PCDH11X: variants seen among roughly 807,000 people sequenced by gnomAD.
The protein encoded by PCDH11X is protocadherin-11 X-linked.
In PCDH11X, 18 loss-of-function variants were observed where a neutral mutation model predicts 53.3. The observed-to-expected ratio is 0.34, with a 90% CI of 0.23 to 0.50. The LOEUF is 0.50. Among genes scored for constraint, PCDH11X ranks in the 20% least tolerant of loss-of-function variants. The pLI, the probability that PCDH11X is intolerant of heterozygous loss-of-function variation, is 0.98. For missense variants in PCDH11X, 570 were observed against 1,032.4 expected, an observed-to-expected ratio of 0.55 and a Z score of 6.14; for synonymous variants, 279 against 393.3, an observed-to-expected ratio of 0.71 and a Z score of 3.44.
At chrX:91,814,238 TC>T (rs1198542931) in intron 4 of PCDH11X, among the ~76,000 whole-genome samples, 2 of 111,237 alleles carry the variant, frequency 1.8e-5, no homozygotes, top group Non-Finnish European at 3.8e-5. Context: ...GTTAACATGT[TC>T]CCTGTTTTAT....
At chrX:92,530,992 A>G (rs2148726106) in intron 10 of PCDH11X, among the ~76,000 whole-genome samples, 1 of 109,599 alleles carries the variant, frequency 9.1e-6, no homozygotes, top group Admixed American at 9.8e-5. Context: ...TACAATTTTT[A>G]TATTGCGAGA....
chrX:92,437,466 A>C (rs1356724753), intron 9 of PCDH11X, among the ~76,000 whole-genome samples: 1 of 111,739 alleles, frequency 8.9e-6, no homozygotes, highest in Non-Finnish European at 1.9e-5. Flanking sequence ...ACTTAAATAC[A>C]TAATTGACCT....
In PCDH11X at chrX:92,232,041, A is replaced by G. The variant is rs192877166; in HGVS notation, c.3114+30586A>G. Among the ~76,000 whole-genome samples, 375 of 112,031 alleles carry G rather than the reference A, an allele frequency of 3.3e-3. 2 individuals carry two copies. Among genetic ancestry groups the G allele is most frequent in the Admixed American group, 7.0e-3 (74 of 10,519 alleles). ...GGGCCCATATACTGCTCCAAATGTTATATCAGTTTTGTGACGAAAGAGAGA... is the reference window on the plus strand; with the variant it reads ...GGGCCCATATACTGCTCCAAATGTTGTATCAGTTTTGTGACGAAAGAGAGA... On this transcript the variant is annotated intron_variant, in intron 7 of 10. Coordinates refer to ENST00000682573, the MANE Select transcript of PCDH11X (RefSeq NM_032968.5).
intron 10 of PCDH11X, among the ~76,000 whole-genome samples, chrX:92,546,532 C>A (rs1290112599): frequency 1.8e-5 from 2 of 108,943 alleles, no homozygotes; most frequent in African/African-American, 3.5e-5. Context: ...AAATTGAAAT[C>A]TCATATGTTA....
chrX:91,819,565 A>G (rs1354300635), intron 4 of PCDH11X, among the ~76,000 whole-genome samples: 1 of 109,872 alleles, frequency 9.1e-6, no homozygotes, highest in Non-Finnish European at 1.9e-5. Context: ...TGTTGTAGTC[A>G]TATATTCTTG....
In PCDH11X at chrX:92,622,754, C is replaced by A. The variant is rs1388309167; in HGVS notation, c.*3814C>A. 1 of 109,419 alleles carries A rather than the reference C, an allele frequency of 9.1e-6. No individual in the cohort carries two copies. Among genetic ancestry groups the A allele is most frequent in the East Asian group, 2.9e-4 (1 of 3,484 alleles). 9.0% of individuals were successfully genotyped at this position (109,419 alleles called of 1,213,427 possible). A position where few individuals can be genotyped will look rare whatever the true frequency, so the allele number is the denominator to read the frequency against. On this transcript the variant is annotated 3_prime_UTR_variant, in exon 11 of 11. Coordinates refer to ENST00000682573, the MANE Select transcript of PCDH11X (RefSeq NM_032968.5). ...TTTTATGCAGAGGCCTTAAAATATT[C>A]TTTCACAGTAGCTTTCTTACACTAA...
chrX:92,379,395 C>T (rs1186126008), intron 8 of PCDH11X, among the ~76,000 whole-genome samples: 2 of 112,946 alleles, frequency 1.8e-5, no homozygotes, highest in East Asian at 5.6e-4. Context: ...GCCTCAGCCC[C>T]CTCCAGACTT....
intron 10 of PCDH11X, among the ~76,000 whole-genome samples, chrX:92,577,164 C>A (rs942709687): frequency 4.1e-4 from 45 of 110,195 alleles, no homozygotes; most frequent in Admixed American, 2.9e-3. Context: ...GCTGTAAATC[C>A]ATCTGCTCCT....
chrX:92,194,687 G>A (rs199793019), intron 6 of PCDH11X, among the ~76,000 whole-genome samples: 1 of 104,256 alleles, frequency 9.6e-6, no homozygotes, highest in Non-Finnish European at 1.9e-5. Flanking sequence ...TTTTTTTCCA[G>A]TAATGTCTGG....
intron 9 of PCDH11X, among the ~76,000 whole-genome samples, chrX:92,421,674 G>A (rs1394263353): frequency 9.0e-6 from 1 of 111,695 alleles, no homozygotes; most frequent in East Asian, 2.8e-4. Context: ...TAAGTTATTT[G>A]AGAAGTCCCC....
chrX:92,525,498 G>A (rs1165767927), intron 10 of PCDH11X, among the ~76,000 whole-genome samples: 3 of 108,763 alleles, frequency 2.8e-5, no homozygotes, highest in Non-Finnish European at 5.7e-5. Context: ...AGGAGTGGTG[G>A]TGCATGCCTG....
chrX:91,803,871 A>G (rs1346329133), intron 1 of PCDH11X, among the ~76,000 whole-genome samples: 4 of 111,354 alleles, frequency 3.6e-5, no homozygotes, highest in African/African-American at 1.3e-4. Flanking sequence ...TTTCCTTTAT[A>G]TATATTTTTA....
At chrX:92,328,515 G>A (rs1198325775) in intron 8 of PCDH11X, among the ~76,000 whole-genome samples, 3 of 110,419 alleles carry the variant, frequency 2.7e-5, no homozygotes, top group African/African-American at 9.8e-5. Flanking sequence ...CCAAAAGCTA[G>A]TATTTTGAGA....
intron 6 of PCDH11X, among the ~76,000 whole-genome samples, chrX:91,999,753 C>G (rs1256539617): frequency 1.8e-5 from 2 of 109,091 alleles, no homozygotes; most frequent in Non-Finnish European, 3.8e-5. Flanking sequence ...AATAACTAAT[C>G]TCATTGCTGG....
intron 6 of PCDH11X, among the ~76,000 whole-genome samples, chrX:92,159,877 T>A (rs2065607609): frequency 1.2e-5 from 1 of 80,592 alleles, no homozygotes; most frequent in South Asian, 6.6e-4. Context: ...CTGGCTCAGG[T>A]TTACTGGGCC....
chrX:92,433,054 G>C (rs1382643057), intron 9 of PCDH11X, among the ~76,000 whole-genome samples: 2 of 110,154 alleles, frequency 1.8e-5, no homozygotes, highest in Non-Finnish European at 3.8e-5. Context: ...GACAATAAAT[G>C]AACTACCTTA....
At chrX:91,817,426 C>A (rs1936488868) in intron 4 of PCDH11X, among the ~76,000 whole-genome samples, 1 of 105,498 alleles carries the variant, frequency 9.5e-6, no homozygotes, top group Middle Eastern at 4.7e-3. Context: ...TAATTTTATA[C>A]CTTTTTTGTC....
intron 10 of PCDH11X, among the ~76,000 whole-genome samples, chrX:92,477,755 T>C (rs940882783): frequency 9.4e-6 from 1 of 106,006 alleles, no homozygotes; most frequent in Non-Finnish European, 1.9e-5. Flanking sequence ...CTAGAAGTAT[T>C]GCCTGGGTAT....
chrX:91,890,895 T>C (rs781430371), intron 6 of PCDH11X, among the ~76,000 whole-genome samples: 3 of 109,258 alleles, frequency 2.7e-5, no homozygotes, highest in Non-Finnish European at 5.7e-5. Context: ...TGTAAACAGC[T>C]CAGTGAGGAC....
Sources: gnomAD v4.1 joint callset for allele counts (sites outside exome capture counted in the v4.1 genomes callset) on GRCh38, gnomAD v4.1.1 for gene constraint, MANE v1.5 for transcripts, NCBI Gene and HGNC (gene_info 2026-07-23, HGNC 2026-07-21) for gene names.